The following GUSB variants were observed in gnomAD, a reference collection of about 807,000 sequenced individuals.
GUSB encodes glucuronidase beta.
Under a neutral mutation model 74.6 loss-of-function variants are expected in GUSB, and 51 were observed. The observed-to-expected ratio is 0.68, with a 90% CI of 0.55 to 0.86. The LOEUF (loss-of-function observed/expected upper bound fraction) is 0.86, where lower values mean the gene tolerates loss of function less well. GUSB is among the 40% of genes least tolerant of loss of function. The pLI is 0.00. For missense variants in GUSB, 736 were observed against 853.7 expected, an observed-to-expected ratio of 0.86 and a Z score of 1.72; for synonymous variants, 360 against 348.3, an observed-to-expected ratio of 1.03 and a Z score of -0.37.
chr7:65,976,247 T>C, intron 4 of GUSB, 45 bp from the exon 5 acceptor site: 1 of 1,423,490 alleles, frequency 7.0e-7, no homozygotes, highest in Non-Finnish European at 9.9e-7. Context: ...GGACACGACC[T>C]GAGTCACACA....
Position 65,970,325 on chromosome 7 carries a change from G to A in GUSB, c.1433C>T (p.Pro478Leu). 1 of 1,613,492 alleles carries A rather than the reference G, an allele frequency of 6.2e-7. No homozygotes were observed. Among genetic ancestry groups the A allele is most frequent in the Non-Finnish European group, 8.5e-7 (1 of 1,179,708 alleles). Reference protein sequence around the residue: ...AHTKSLDPSRPVTFVSNSNYA... With the variant: ...AHTKSLDPSRLVTFVSNSNYA... ...GTTAGAGTTGCTCACAAAGGTCACA[G>A]GCCGGGAGGGGTCCAAGGATTTGGT... Residue 478 changes from proline (P) to leucine (L), a missense_variant, in exon 9 of 12, where the codon CCT becomes CTT. By Grantham distance (98) the Pro-to-Leu change is moderately conservative. Coordinates refer to ENST00000304895, the MANE Select transcript of GUSB (RefSeq NM_000181.4).
Position 65,982,127 on chromosome 7 carries a change from G to C in GUSB, c.57C>G (p.Cys19Trp), listed in dbSNP as rs573989102. 1 of 1,567,108 alleles carries C rather than the reference G, an allele frequency of 6.4e-7. No homozygotes were observed. Among genetic ancestry groups the C allele is most frequent in the South Asian group, 1.2e-5 (1 of 86,430 alleles). Reference protein sequence around the residue: ...WAALGPLLWGCALGLQGGMLY... With the variant: ...WAALGPLLWGWALGLQGGMLY... ...GCATCCCGCCCTGCAGCCCCAGCGC[G>C]CAGCCCCACAACAACGGCCCGAGCG... Residue 19 changes from cysteine to tryptophan, a missense_variant, in exon 1 of 12, where the codon TGC (cysteine) becomes TGG (tryptophan). Physicochemically the swap from Cys to Trp is radical, Grantham distance 215. Coordinates refer to ENST00000304895, the MANE Select transcript of GUSB (RefSeq NM_000181.4).
At chr7:65,967,635 AG>A in intron 10 of GUSB, 95 bp downstream of exon 10, 1 of 1,025,428 alleles carries the variant, frequency 9.8e-7, no homozygotes, top group South Asian at 1.3e-5. Context: ...AGCTGAAGCG[AG>A]GGGAGCAGTG....
At chr7:65,981,786 G>T (rs529518331) in intron 1 of GUSB, 188 bp downstream of exon 1, 3 of 568,528 alleles carry the variant, frequency 5.3e-6, no homozygotes, top group East Asian at 3.0e-5. Context: ...TGCCTAATCC[G>T]CCCCGGCCCT....
intron 4 of GUSB, 30 bp downstream of exon 4, chr7:65,979,369 C>G (rs538861819): frequency 8.9e-6 from 14 of 1,567,544 alleles, no homozygotes; most frequent in African/African-American, 2.9e-5. Flanking sequence ...CCCTGGGCCC[C>G]GCTGAGAGGA....
chr7:65,980,152 G>T, intron 2 of GUSB, 72 bp downstream of exon 2: 1 of 1,395,790 alleles, frequency 7.2e-7, no homozygotes, highest in Non-Finnish European at 9.9e-7. Context: ...GCCGTGGGTG[G>T]CAGCTGGAGG....
rs546131174 is a variant in GUSB, at chr7:65,980,296, C to T, written c.324G>A (p.Pro108=). Residue 108 remains proline (P), a synonymous_variant, in exon 2 of 12, where the codon CCG becomes CCA. Coordinates refer to ENST00000304895, the MANE Select transcript of GUSB (RefSeq NM_000181.4). The stretch of plus-strand genomic sequence containing the variant: ...TGCGCAGGTCCTGGGTCCATCGCTC[C>T]GGCAGGATCACCTCCCGTTCGTACC... ...WVWYEREVIL[P]ERWTQDLRTR... 72 of 1,613,546 alleles carry T rather than the reference C, an allele frequency of 4.5e-5. No individual in the cohort carries two copies. The Middle Eastern group carries it at 4.9e-4, about 11-fold the overall frequency.
chr7:65,979,471 C>A lies in GUSB; in HGVS notation c.652G>T (p.Val218Leu), dbSNP rs962904967. 1 of 1,613,622 alleles carries A rather than the reference C, an allele frequency of 6.2e-7. No individual in the cohort carries two copies. The highest frequency in any genetic ancestry group is 1.7e-5 in the Admixed American group (1 of 59,998). Residue 218 changes from valine to leucine, a missense_variant, in exon 4 of 12, where the codon GTA becomes TTA. Physicochemically the swap from Val to Leu is conservative, Grantham distance 32 (BLOSUM62 1). Around this residue, in one of 2 missense-constraint regions of GUSB, gnomAD observed 368 missense variants for 363.8 expected, o/e 1.01. Coordinates refer to ENST00000304895, the MANE Select transcript of GUSB (RefSeq NM_000181.4). ...FFNYAGLQRS[V>L]LLYTTPTTYI... ...GTGGTGGGTGTCGTGTACAGAAGTACAGACCGCTGCAGTCCAGCGTAGTTG... is the reference window on the plus strand; with the variant it reads ...GTGGTGGGTGTCGTGTACAGAAGTAAAGACCGCTGCAGTCCAGCGTAGTTG...
rs1323173804 is a variant in GUSB at position 65,978,192 on chromosome 7, CTGTAATCCCAGCAT to C, written c.724+1193_724+1206del. On this transcript the variant is annotated intron_variant, in intron 4 of 11. Transcript: ENST00000304895. The stretch of plus-strand genomic sequence containing the variant: ...ACAGACCGAGCGCTGTGGCTCATTC[CTGTAATCCCAGCAT>C]TTTGGGAGACTGAGGCGGGTGGATC... Among the ~76,000 whole-genome samples, 11 of 152,312 alleles carry C rather than the reference CTGTAATCCCAGCAT, an allele frequency of 7.2e-5. No homozygotes were observed. The East Asian group carries it at 1.4e-3, about 19-fold the overall frequency.
chr7:65,970,612 G>A (rs757774248), intron 8 of GUSB, among the ~76,000 whole-genome samples: 57 of 152,120 alleles, frequency 3.7e-4, no homozygotes, highest in Non-Finnish European at 6.3e-4. Flanking sequence ...AAAAATTAGC[G>A]GCCAGGCGCA....
chr7:65,960,706 C>G lies in GUSB; in HGVS notation c.*191G>C. ...TGCTTTTCAGTAGCCACTTTCATGC[C>G]AACTCTTTATTTCCATAATAGAAAA... On this transcript the variant is annotated 3_prime_UTR_variant, in exon 12 of 12. Coordinates refer to ENST00000304895, the MANE Select transcript of GUSB (RefSeq NM_000181.4). 4.9e-6 allele frequency: 3 copies of G among 606,806 alleles called. No individual in the cohort carries two copies. The highest frequency in any genetic ancestry group is 1.8e-5 in the African/African-American group (1 of 54,150). The allele number at this position is 606,806 out of a possible 1,614,324, so 37.6% of individuals were successfully genotyped here. A position where few individuals can be genotyped will look rare whatever the true frequency, so the allele number is the denominator to read the frequency against.
intron 5 of GUSB, chr7:65,975,427 C>T (rs1196699977): frequency 1.4e-5 from 5 of 351,838 alleles, no homozygotes; most frequent in Non-Finnish European, 2.8e-5. Flanking sequence ...GTCTGTCCCC[C>T]AGGCTGGAGT....
chr7:65,979,243 C>T (rs958199610), intron 4 of GUSB, 156 bp downstream of exon 4: 9 of 837,046 alleles, frequency 1.1e-5, no homozygotes, highest in East Asian at 7.5e-5. Flanking sequence ...AGCCCGTATC[C>T]GCTCACACAG....
At chr7:65,961,431 A>G (rs956729849) in intron 11 of GUSB, among the ~76,000 whole-genome samples, 1 of 152,228 alleles carries the variant, frequency 6.6e-6, no homozygotes, top group African/African-American at 2.4e-5. Flanking sequence ...CACCATGCTC[A>G]GCCAAATGTC....
chr7:65,965,229 G>C (rs984333610), intron 10 of GUSB, among the ~76,000 whole-genome samples: 7 of 152,012 alleles, frequency 4.6e-5, no homozygotes, highest in Non-Finnish European at 5.9e-5. Flanking sequence ...AACACAGTGA[G>C]ACCCAGTCTC....
rs779171218 is a variant in GUSB at position 65,979,482 on chromosome 7, A to C, written c.641T>G (p.Leu214Arg). The change falls in exon 4 of 12, where the codon CTG (leucine) becomes CGG (arginine). Residue 214 changes from leucine to arginine, a missense_variant. By Grantham distance (102) the Leu-to-Arg change is moderately radical. Transcript: ENST00000304895. ...CGTGTACAGAAGTACAGACCGCTGC[A>C]GTCCAGCGTAGTTGAAAAAGTCAAA... ...TYFDFFNYAG[L>R]QRSVLLYTTP... 3 of 1,613,944 alleles carry C rather than the reference A, an allele frequency of 1.9e-6. No individual in the cohort carries two copies.
At chr7:65,969,811 G>T (rs1791076861) in intron 9 of GUSB, among the ~76,000 whole-genome samples, 1 of 152,174 alleles carries the variant, frequency 6.6e-6, no homozygotes, top group African/African-American at 2.4e-5. Context: ...CATCAGCCAG[G>T]TGTGGGCCAG....
chr7:65,970,914 GAAA>G (rs768375219), intron 8 of GUSB, among the ~76,000 whole-genome samples: 1 of 140,080 alleles, frequency 7.1e-6, no homozygotes, highest in South Asian at 2.3e-4. Context: ...AAACAAAGGG[GAAA>G]AAAAAAAAAG....
Position 65,982,109 on chromosome 7 carries a change from G to T in GUSB, c.75C>A (p.Gly25=). Residue 25 remains glycine, a synonymous_variant, in exon 1 of 12, where the codon GGC becomes GGA. Coordinates refer to ENST00000304895, the MANE Select transcript of GUSB (RefSeq NM_000181.4). ...LLWGCALGLQ[G]GMLYPQESPS... ...GGCTCTCCTGGGGGTACAGCATCCC[G>T]CCCTGCAGCCCCAGCGCGCAGCCCC... 6.3e-7 allele frequency: 1 copy of T among 1,585,396 alleles called. No homozygotes were observed.
Sources: allele counts gnomAD v4.1 joint callset (sites outside exome capture counted in the v4.1 genomes callset), GRCh38; gene constraint gnomAD v4.1.1; regional missense constraint gnomAD v4.1.1; transcripts MANE v1.5; gene names NCBI Gene and HGNC (gene_info 2026-07-23, HGNC 2026-07-21).